Variants in SH3PXD2B observed in about 807,000 individuals in gnomAD.
The protein encoded by SH3PXD2B is SH3 and PX domains 2B, also known as SH3 and PX domain-containing protein 2B.
SH3PXD2B carries 37 observed loss-of-function variants against 73.1 expected under a neutral mutation model. That is an observed-to-expected ratio of 0.51 (90% CI 0.39 to 0.67). The LOEUF (loss-of-function observed/expected upper bound fraction) is 0.67, where lower values mean the gene tolerates loss of function less well. Ranked by LOEUF, SH3PXD2B falls within the 30% of genes least tolerant of loss-of-function variation. The pLI, the probability that SH3PXD2B is intolerant of heterozygous loss-of-function variation, is 0.00. For missense variants in SH3PXD2B, 1,053 were observed against 1,197.8 expected, an observed-to-expected ratio of 0.88 and a Z score of 1.78; for synonymous variants, 457 against 480.5, an observed-to-expected ratio of 0.95 and a Z score of 0.64.
rs150521277 is a variant in SH3PXD2B at position 172,450,037 on chromosome 5, T to C, written c.75+4241A>G. 3.3e-3 allele frequency among the ~76,000 whole-genome samples: 495 copies of C among 152,246 alleles called. 3 individuals are homozygous for C. Among genetic ancestry groups the C allele is most frequent in the African/African-American group, 0.011 (439 of 41,544 alleles). On this transcript the variant is annotated intron_variant, in intron 1 of 12. Coordinates refer to ENST00000311601, the MANE Select transcript of SH3PXD2B (RefSeq NM_001017995.3). Reference sequence around the variant, plus strand: ...TTAAAAAGGGAAAAACATTAAAAGGTCCATGGGCTGTGGTGGGAAGGGGAT... The same window carrying C: ...TTAAAAAGGGAAAAACATTAAAAGGCCCATGGGCTGTGGTGGGAAGGGGAT...
intron 1 of SH3PXD2B, among the ~76,000 whole-genome samples, chr5:172,430,773 A>G (rs936266301): frequency 1.3e-5 from 2 of 152,208 alleles, no homozygotes; most frequent in Non-Finnish European, 2.9e-5. Flanking sequence ...TCCAAAAGCC[A>G]CTTTTCTTAA....
chr5:172,411,534 C>T (rs1287633242), intron 2 of SH3PXD2B, among the ~76,000 whole-genome samples: 1 of 152,156 alleles, frequency 6.6e-6, no homozygotes, highest in Non-Finnish European at 1.5e-5. Context: ...ACCCAACAGC[C>T]CTGGGGTTCA....
chr5:172,422,936 C>T (rs926514022), intron 1 of SH3PXD2B, among the ~76,000 whole-genome samples: 1 of 152,208 alleles, frequency 6.6e-6, no homozygotes, highest in Non-Finnish European at 1.5e-5. Context: ...CTGTCTCCAC[C>T]GACGAGGACC....
intron 1 of SH3PXD2B, among the ~76,000 whole-genome samples, chr5:172,453,191 T>G (rs1353364490): frequency 2.6e-5 from 4 of 152,156 alleles, no homozygotes; most frequent in Non-Finnish European, 5.9e-5. Context: ...AACGCCCTTT[T>G]CTATTCATTG....
rs1488784600 is a variant in SH3PXD2B at position 172,439,690 on chromosome 5, G to GCA, written c.75+14587_75+14588insTG. On this transcript the variant is annotated intron_variant, in intron 1 of 12. Coordinates refer to ENST00000311601, the MANE Select transcript of SH3PXD2B (RefSeq NM_001017995.3). The stretch of plus-strand genomic sequence containing the variant: ...TGTGTGCGTGCGTGCGCGCACGCGC[G>GCA]CGCACACACACACACACACACACAC... 1.9e-3 allele frequency among the ~76,000 whole-genome samples: 216 copies of GCA among 113,204 alleles called. 1 individual carries two copies. Among genetic ancestry groups the GCA allele is most frequent in the South Asian group, 1.9e-3 (7 of 3,632 alleles). 74.3% of individuals were successfully genotyped at this position (113,204 alleles called of 152,430 possible). A position where few individuals can be genotyped will look rare whatever the true frequency, so the allele number is the denominator to read the frequency against.
intron 6 of SH3PXD2B, among the ~76,000 whole-genome samples, chr5:172,368,654 TATATATATTATATATATATAAA>T (rs1757619499): frequency 8.1e-5 from 2 of 24,708 alleles, no homozygotes; most frequent in African/African-American, 6.2e-4. Context: ...ATATATAAAA[TATATATATTATATATATATAAA>T]ATATATATGT....
chr5:172,358,200 C>T (rs1050329677), intron 8 of SH3PXD2B, among the ~76,000 whole-genome samples: 4 of 152,144 alleles, frequency 2.6e-5, no homozygotes, highest in African/African-American at 9.7e-5. Flanking sequence ...ACTAACTGCC[C>T]TAGTTTTAGG....
rs1294414911 is a variant in SH3PXD2B at position 172,382,095 on chromosome 5, C to G, written c.342G>C (p.Gln114His). 1.2e-6 allele frequency: 2 copies of G among 1,611,250 alleles called. No individual in the cohort carries two copies. The highest frequency in any genetic ancestry group is 1.7e-6 in the Non-Finnish European group (2 of 1,178,976). ...ALIQLPPYISQCDEVLQFFET... is the reference protein window; with the variant it reads ...ALIQLPPYISHCDEVLQFFET... Reference sequence around the variant, plus strand: ...CAAAGAACTGCAGCACCTCATCACACTGAGAGATGTAGGGGGGCAGCTGGA... The same window carrying G: ...CAAAGAACTGCAGCACCTCATCACAGTGAGAGATGTAGGGGGGCAGCTGGA... Residue 114 changes from glutamine (Q) to histidine (H), a missense_variant, in exon 5 of 13, where the codon CAG (glutamine) becomes CAC (histidine). Around this residue, in one of 2 missense-constraint regions of SH3PXD2B, gnomAD observed 466 missense variants for 607.1 expected, o/e 0.77. Coordinates refer to ENST00000311601, the MANE Select transcript of SH3PXD2B (RefSeq NM_001017995.3).
Position 172,353,305 on chromosome 5 carries a change from G to A in SH3PXD2B, c.785+583C>T, listed in dbSNP as rs1757198342. On this transcript the variant is annotated intron_variant, in intron 9 of 12. Transcript: ENST00000311601. This position sits in a 1 kb window ranked among gnomAD's most constrained non-coding sequence, Gnocchi z 4.3. ...CCATGGTCACATCCTGCCTATTGGG[G>A]GTGATCAAGGAGGGGTTCCCAGGAC... Among the ~76,000 whole-genome samples the A allele has an allele frequency of 6.6e-6, 1 of 152,176 alleles. No individual in the cohort carries two copies. The highest frequency in any genetic ancestry group is 1.5e-5 in the Non-Finnish European group (1 of 68,032).
At chr5:172,362,332 T>G (rs1456020028) in intron 7 of SH3PXD2B, among the ~76,000 whole-genome samples, 1 of 152,066 alleles carries the variant, frequency 6.6e-6, no homozygotes, top group Non-Finnish European at 1.5e-5. Flanking sequence ...GATGGGCAGG[T>G]AGGCTAAGGA....
At chr5:172,452,534 T>C (rs1279525888) in intron 1 of SH3PXD2B, among the ~76,000 whole-genome samples, 1 of 152,210 alleles carries the variant, frequency 6.6e-6, no homozygotes, top group Non-Finnish European at 1.5e-5. Flanking sequence ...ACCTTAGGCG[T>C]GGGACCTCAC....
chr5:172,433,241 T>C (rs893819221), intron 1 of SH3PXD2B, among the ~76,000 whole-genome samples: 1 of 152,156 alleles, frequency 6.6e-6, no homozygotes, highest in African/African-American at 2.4e-5. Flanking sequence ...AGGTGTGTAG[T>C]AGACTATACC....
chr5:172,402,440 C>T (rs1047942618), intron 3 of SH3PXD2B, among the ~76,000 whole-genome samples: 2 of 152,202 alleles, frequency 1.3e-5, no homozygotes, highest in African/African-American at 4.8e-5. Context: ...CATGTGATCT[C>T]TGTGACCCAC....
chr5:172,382,240 T>TGGGA lies in SH3PXD2B; in HGVS notation c.310-117_310-114dup. 1.9e-5 allele frequency: 16 copies of TGGGA among 846,536 alleles called. No individual in the cohort carries two copies. The South Asian group carries it at 2.3e-4, about 12-fold the overall frequency. The allele number at this position is 846,536 out of a possible 1,614,324, so 52.4% of individuals were successfully genotyped here. A position where few individuals can be genotyped will look rare whatever the true frequency, so the allele number is the denominator to read the frequency against. The stretch of plus-strand genomic sequence containing the variant: ...CTGAGGCAAGATAATTGTTTGAACC[T>TGGGA]GGGAGGCGGAGGTTGCAGTGAGCTG... On this transcript the variant is annotated intron_variant, in intron 4 of 12. Transcript: ENST00000311601.
At chr5:172,340,932 A>G (rs1756836105) in intron 12 of SH3PXD2B, among the ~76,000 whole-genome samples, 1 of 152,180 alleles carries the variant, frequency 6.6e-6, no homozygotes, top group South Asian at 2.1e-4. Context: ...AATCACAGTC[A>G]GCTCAAAGAG....
At chr5:172,331,021 C>A (rs1267524599), downstream of SH3PXD2B, among the ~76,000 whole-genome samples, 2 of 152,046 alleles carry the variant, frequency 1.3e-5, no homozygotes, top group Admixed American at 6.6e-5. Context: ...ATGGTGAAAC[C>A]CTGTCTCTAC....
chr5:172,380,655 T>A (rs1561914193), intron 5 of SH3PXD2B, among the ~76,000 whole-genome samples: 1 of 152,188 alleles, frequency 6.6e-6, no homozygotes, highest in Non-Finnish European at 1.5e-5. Context: ...TTTATATTAT[T>A]CTGTATCTTT....
intron 5 of SH3PXD2B, among the ~76,000 whole-genome samples, chr5:172,379,620 A>C (rs1757897958): frequency 6.6e-6 from 1 of 152,190 alleles, no homozygotes; most frequent in South Asian, 2.1e-4. Flanking sequence ...CGCTGGAATA[A>C]AGACAACAAT....
chr5:172,325,750 G>A (rs575757633), intron 12 of SH3PXD2B, among the ~76,000 whole-genome samples: 1 of 152,074 alleles, frequency 6.6e-6, no homozygotes, highest in African/African-American at 2.4e-5. Context: ...CTGCTTAAAG[G>A]CCCTGCCTGG....
Sources: gnomAD v4.1 joint callset for allele counts (sites outside exome capture counted in the v4.1 genomes callset) on GRCh38, gnomAD v4.1.1 for gene constraint, gnomAD v4.1.1 regional missense constraint, Gnocchi (gnomAD v3.1) non-coding constraint, MANE v1.5 for transcripts, NCBI Gene and HGNC (gene_info 2026-07-23, HGNC 2026-07-21) for gene names.